DMXL1: variants seen among roughly 807,000 people sequenced by gnomAD.
The protein encoded by DMXL1 is dmX-like protein 1.
A neutral mutation model predicts 319.2 loss-of-function variants in DMXL1; 99 were observed. That is an observed-to-expected ratio of 0.31 (90% CI 0.26 to 0.37). DMXL1 has a LOEUF of 0.37. Among genes scored for constraint, DMXL1 ranks in the 10% least tolerant of loss-of-function variants. The pLI is 1.00. For missense variants in DMXL1, 3,745 were observed against 3,595.6 expected (o/e 1.04, Z -1.06); for synonymous variants, 1,385 against 1,235.2 (o/e 1.12, Z -2.54).
chr5:119,196,621 G>C (rs545254969), intron 31 of DMXL1, among the ~76,000 whole-genome samples, 165 bp downstream of exon 31: 8 of 148,632 alleles, frequency 5.4e-5, no homozygotes, highest in Non-Finnish European at 8.9e-5. Context: ...AAATGTATCC[G>C]TCATACTGTT....
chr5:119,237,068 A>G (rs192359572), intron 39 of DMXL1: 1 of 212,206 alleles, frequency 4.7e-6, no homozygotes, highest in Non-Finnish European at 9.4e-6. Context: ...CTTACAGAGA[A>G]TATATAGACT....
intron 27 of DMXL1, 71 bp downstream of exon 27, chr5:119,177,555 T>TC: frequency 7.6e-7 from 1 of 1,316,582 alleles, no homozygotes; most frequent in East Asian, 2.4e-5. Flanking sequence ...GAAAGACTTT[T>TC]AGTTTTGCCA....
At chr5:119,100,135 G>T (rs1756908471) in intron 2 of DMXL1, among the ~76,000 whole-genome samples, 1 of 152,044 alleles carries the variant, frequency 6.6e-6, no homozygotes, top group Non-Finnish European at 1.5e-5. Context: ...AAATTGGCAG[G>T]TTCTGGTACC....
chr5:119,124,497 TA>T (rs1024848954), intron 9 of DMXL1, among the ~76,000 whole-genome samples: 1 of 151,526 alleles, frequency 6.6e-6, no homozygotes, highest in Admixed American at 6.6e-5. Flanking sequence ...GTCTATTAAG[TA>T]AAAACTAGTT....
chr5:119,224,409 A>T (rs751867342), intron 37 of DMXL1, among the ~76,000 whole-genome samples: 7 of 151,950 alleles, frequency 4.6e-5, no homozygotes, highest in Non-Finnish European at 1.0e-4. Context: ...ACTATTCAGG[A>T]TTATTACTGA....
In DMXL1 at chr5:119,148,726, A is replaced by G. The variant is rs1769130657; in HGVS notation, c.2912-13A>G. The G allele has an allele frequency of 4.4e-6, 7 of 1,589,922 alleles. No homozygotes were observed. Among genetic ancestry groups the G allele is most frequent in the Non-Finnish European group, 5.1e-6 (6 of 1,167,704 alleles). On this transcript the variant is annotated splice_polypyrimidine_tract_variant and intron_variant, in intron 17 of 43. Transcript: ENST00000539542. Reference sequence around the variant, plus strand: ...AAATTTGACATTTTGTTAACGGATTATTTTTATTTTAGGACATCTGAGTTC... The same window carrying G: ...AAATTTGACATTTTGTTAACGGATTGTTTTTATTTTAGGACATCTGAGTTC...
chr5:119,209,843 T>A (rs1782430246), intron 34 of DMXL1, among the ~76,000 whole-genome samples: 2 of 152,232 alleles, frequency 1.3e-5, no homozygotes. Context: ...GTTGCTTGTT[T>A]TCTTGATTCA....
At chr5:119,123,399 G>GAGAGGGAGAGGAGGGAGAGGGAGA (rs1561645924) in intron 9 of DMXL1, among the ~76,000 whole-genome samples, 1 of 32,746 alleles carries the variant, frequency 3.1e-5, no homozygotes, top group Non-Finnish European at 5.5e-5. Context: ...GGAGAGGAGG[G>GAGAGGGAGAGGAGGGAGAGGGAGA]GGAGGGAGAG....
intron 43 of DMXL1, among the ~76,000 whole-genome samples, chr5:119,246,462 G>A (rs1031269131): frequency 6.6e-6 from 1 of 151,988 alleles, no homozygotes; most frequent in African/African-American, 2.4e-5. Flanking sequence ...TTACTAGATG[G>A]ATTTTTAAGT....
chr5:119,226,650 A>G (rs982919783), intron 38 of DMXL1, among the ~76,000 whole-genome samples: 9 of 152,090 alleles, frequency 5.9e-5, no homozygotes, highest in African/African-American at 9.7e-5. Flanking sequence ...ATCATATCCT[A>G]CAGGTTAAGG....
chr5:119,174,984 C>T (rs1015940369), intron 25 of DMXL1, among the ~76,000 whole-genome samples: 3 of 152,154 alleles, frequency 2.0e-5, no homozygotes, highest in Non-Finnish European at 4.4e-5. Context: ...TACTGGAGAG[C>T]TGACATCTGT....
Position 119,170,754 on chromosome 5 carries a change from C to G in DMXL1, c.5963C>G (p.Pro1988Arg). Reference sequence around the variant, plus strand: ...CCTATTTCAATGAAAGAACTAAAACCTTTACAGAGAAAAACAGATAAAAAG... The same window carrying G: ...CCTATTTCAATGAAAGAACTAAAACGTTTACAGAGAAAAACAGATAAAAAG... ...DVPISMKELK[P>R]LQRKTDKKLD... Residue 1988 changes from proline to arginine, a missense_variant, in exon 24 of 44, where the codon CCT (proline) becomes CGT (arginine). Physicochemically the swap from Pro to Arg is moderately radical, Grantham distance 103 (BLOSUM62 -2). This residue lies in a region of DMXL1 where 1,382 missense variants were observed against 1,269.5 expected (regional missense o/e 1.09). Transcript: ENST00000539542. 1.2e-6 allele frequency: 2 copies of G among 1,612,118 alleles called. No homozygotes were observed.
rs1769505387 is a variant in DMXL1, at chr5:119,150,402, A to G, written c.4575A>G (p.Glu1525=). The change falls in exon 18 of 44, where the codon GAA becomes GAG. Residue 1525 remains glutamate (E), a synonymous_variant. Transcript: ENST00000539542. ...TIATTSTDIG[E]SRDRSQGGET... is the part of the protein sequence containing the mutation. ...CAACTACAAGCACTGATATTGGAGA[A>G]AGCCGAGACAGAAGCCAAGGTAAAA... 1.2e-6 allele frequency: 2 copies of G among 1,610,774 alleles called. No homozygotes were observed. Among genetic ancestry groups the G allele is most frequent in the Non-Finnish European group, 1.7e-6 (2 of 1,178,670 alleles).
intron 6 of DMXL1, among the ~76,000 whole-genome samples, chr5:119,114,878 C>T (rs1259566818): frequency 1.3e-5 from 2 of 152,126 alleles, no homozygotes. Flanking sequence ...CCATATTGGC[C>T]AGGCTGGTCT....
intron 34 of DMXL1, among the ~76,000 whole-genome samples, chr5:119,213,341 C>G (rs993458237): frequency 6.6e-6 from 1 of 152,076 alleles, no homozygotes; most frequent in Non-Finnish European, 1.5e-5. Flanking sequence ...TGAACTGTTA[C>G]CCTTTTTGTT....
chr5:119,157,807 C>T (rs887235310), intron 19 of DMXL1, among the ~76,000 whole-genome samples: 1 of 151,982 alleles, frequency 6.6e-6, no homozygotes, highest in Non-Finnish European at 1.5e-5. Context: ...TTTGGTGTTT[C>T]TTGGTATTCC....
At chr5:119,095,340 A>G (rs1255649074) in intron 1 of DMXL1, among the ~76,000 whole-genome samples, 2 of 152,180 alleles carry the variant, frequency 1.3e-5, no homozygotes, top group Admixed American at 1.3e-4. Flanking sequence ...ATTAGTTGGT[A>G]TTTTCCTCTG....
At chr5:119,231,598 C>G (rs964752427) in intron 38 of DMXL1, among the ~76,000 whole-genome samples, 2 of 152,150 alleles carry the variant, frequency 1.3e-5, no homozygotes, top group Non-Finnish European at 1.5e-5. Flanking sequence ...CTGCTGAGAA[C>G]TCTTAAAACA....
chr5:119,203,283 G>C (rs1781150326), intron 32 of DMXL1, 36 bp from the exon 33 acceptor site: 2 of 1,365,058 alleles, frequency 1.5e-6, no homozygotes, highest in African/African-American at 2.9e-5. Context: ...AGAAATTTCT[G>C]AAGTTTATCA....
Sources: gnomAD v4.1 joint callset for allele counts (sites outside exome capture counted in the v4.1 genomes callset) on GRCh38, gnomAD v4.1.1 for gene constraint, gnomAD v4.1.1 regional missense constraint, MANE v1.5 for transcripts, NCBI Gene and HGNC (gene_info 2026-07-23, HGNC 2026-07-21) for gene names.